SOX5: variants seen among roughly 807,000 people sequenced by gnomAD.
The protein encoded by SOX5 is transcription factor SOX-5.
SOX5 carries 9 observed loss-of-function variants against 92.0 expected under a neutral mutation model. That is an observed-to-expected ratio of 0.10 (90% CI 0.06 to 0.17). The LOEUF is 0.17. Ranked by LOEUF, SOX5 falls within the 10% of genes least tolerant of loss-of-function variation. The pLI is 1.00. For synonymous variants in SOX5, 344 were observed against 336.3 expected, an observed-to-expected ratio of 1.02 and a Z score of -0.25; for missense variants, 642 against 944.5, an observed-to-expected ratio of 0.68 and a Z score of 4.20.
intron 8 of SOX5, among the ~76,000 whole-genome samples, chr12:23,627,652 G>C (rs936030797): frequency 1.3e-5 from 2 of 151,998 alleles, no homozygotes; most frequent in Non-Finnish European, 2.9e-5. Context: ...TCATTTCACA[G>C]GTGAAGACAC....
At chr12:24,092,008 G>C (rs1172049290) in intron 4 of SOX5, among the ~76,000 whole-genome samples, 1 of 152,098 alleles carries the variant, frequency 6.6e-6, no homozygotes, top group South Asian at 2.1e-4. Context: ...TTTACTGCTT[G>C]ACAAGGCACT....
rs12304055 is a variant in SOX5 at position 24,093,669 on chromosome 12, T to G, written c.-2+119674A>C. The stretch of plus-strand genomic sequence containing the variant: ...TTTCCCCCACAATTTATTTCTTGTC[T>G]GTTGAAAATATTTTGGTTGTCCTTT... On this transcript the variant is annotated intron_variant, in intron 4 of 4. Transcript: ENST00000446891. 2.8e-3 allele frequency among the ~76,000 whole-genome samples: 418 copies of G among 151,192 alleles called. 2 individuals are homozygous for G. In the Middle Eastern group the frequency reaches 0.041, roughly 15 times the overall value.
chr12:24,316,763 A>C (rs909404440), intron 2 of SOX5, among the ~76,000 whole-genome samples: 1 of 152,244 alleles, frequency 6.6e-6, no homozygotes, highest in African/African-American at 2.4e-5. Context: ...TCCTTTAAAA[A>C]GCATTCCTTA....
intron 1 of SOX5, among the ~76,000 whole-genome samples, chr12:24,491,270 A>G (rs1431069260): frequency 2.0e-5 from 3 of 152,142 alleles, no homozygotes; most frequent in Non-Finnish European, 4.4e-5. Flanking sequence ...GAGCCCTTAC[A>G]TGGAAATTTT....
At chr12:23,947,589 T>G (rs1944803456) in intron 1 of SOX5, among the ~76,000 whole-genome samples, 1 of 151,914 alleles carries the variant, frequency 6.6e-6, no homozygotes, top group South Asian at 2.1e-4. Flanking sequence ...GTGTGACATT[T>G]TTCAGAATTA....
At chr12:24,473,616 A>G (rs1945042246) in intron 1 of SOX5, among the ~76,000 whole-genome samples, 1 of 152,234 alleles carries the variant, frequency 6.6e-6, no homozygotes, top group Admixed American at 6.5e-5. Context: ...CTCCAGATCA[A>G]ACAACCAAAA....
At chr12:24,298,646 T>C (rs1947572705) in intron 2 of SOX5, among the ~76,000 whole-genome samples, 3 of 152,086 alleles carry the variant, frequency 2.0e-5, no homozygotes, top group African/African-American at 7.2e-5. Context: ...CTATTATTTC[T>C]AGTATTTTAC....
intron 4 of SOX5, among the ~76,000 whole-genome samples, chr12:24,137,274 T>G (rs1950188456): frequency 6.6e-6 from 1 of 152,156 alleles, no homozygotes; most frequent in South Asian, 2.1e-4. Context: ...GATTCTGGTG[T>G]GCCTTGTACT....
chr12:24,142,189 G>C (rs1046158164), intron 4 of SOX5, among the ~76,000 whole-genome samples: 2 of 152,146 alleles, frequency 1.3e-5, no homozygotes, highest in Non-Finnish European at 2.9e-5. Context: ...GTGCTCACTA[G>C]TATGGGGTAG....
intron 1 of SOX5, among the ~76,000 whole-genome samples, chr12:24,464,684 C>G (rs894823942): frequency 1.3e-5 from 2 of 152,158 alleles, no homozygotes; most frequent in African/African-American, 4.8e-5. Flanking sequence ...TGCACGCACT[C>G]TTCTAATCAC....
intron 1 of SOX5, among the ~76,000 whole-genome samples, chr12:24,370,840 G>A (rs2948114): frequency 0.98 from 148,822 of 152,320 alleles, 72,799 homozygotes; most frequent in East Asian, 1. Context: ...TATTAGTTAA[G>A]TCACATATTC....
In SOX5 at chr12:23,856,312, T is replaced by C. The variant is rs373766749; in HGVS notation, c.271-10119A>G. Among the ~76,000 whole-genome samples the C allele has an allele frequency of 3.9e-5, 6 of 152,234 alleles. No homozygotes were observed. The East Asian group carries it at 1.2e-3, about 29-fold the overall frequency. ...GTCAGTCTTAGAGTTTTAAAGGACATAAAAAGCACCTTTACATTATTAGGC... is the reference window on the plus strand; with the variant it reads ...GTCAGTCTTAGAGTTTTAAAGGACACAAAAAGCACCTTTACATTATTAGGC... On this transcript the variant is annotated intron_variant, in intron 2 of 14. Transcript: ENST00000451604.
At chr12:24,035,226 G>A (rs1045952753) in intron 4 of SOX5, among the ~76,000 whole-genome samples, 1 of 152,028 alleles carries the variant, frequency 6.6e-6, no homozygotes, top group Non-Finnish European at 1.5e-5. Flanking sequence ...CGATTTTAAT[G>A]GCATCTACTT....
At chr12:23,545,363 C>T (rs1168848687) in intron 12 of SOX5, among the ~76,000 whole-genome samples, 2 of 152,152 alleles carry the variant, frequency 1.3e-5, no homozygotes, top group African/African-American at 2.4e-5. Flanking sequence ...GAGATGTTCC[C>T]GGTCAGGGTA....
At chr12:23,768,887 G>C (rs1248284060) in intron 3 of SOX5, among the ~76,000 whole-genome samples, 1 of 151,932 alleles carries the variant, frequency 6.6e-6, no homozygotes, top group East Asian at 1.9e-4. Flanking sequence ...TCTAAAGAAA[G>C]AAACAAAAAC....
At position 23,530,099 on chromosome 12, in the gene SOX5, A is replaced by G. The variant is rs150868156; in HGVS notation, c.*4120T>C. On this transcript the variant is annotated 3_prime_UTR_variant, in exon 15 of 15. Transcript: ENST00000451604. ...TAAAAGCCTGGCTAAACCAACAGCT[A>G]TGCCCTACAAGACAAAGGGATACCT... The G allele has an allele frequency of 6.6e-6, 1 of 152,364 alleles. No individual in the cohort carries two copies. Among genetic ancestry groups the G allele is most frequent in the East Asian group, 1.9e-4 (1 of 5,194 alleles). The allele number at this position is 152,364 out of a possible 1,614,324, so 9.4% of individuals were successfully genotyped here.
intron 9 of SOX5, among the ~76,000 whole-genome samples, chr12:23,603,214 A>G (rs1251619362): frequency 6.6e-6 from 1 of 151,900 alleles, no homozygotes; most frequent in African/African-American, 2.4e-5. Context: ...TCTCTGGAGT[A>G]TACAATAACT....
At chr12:24,285,488 C>CT (rs1158272745) in intron 2 of SOX5, among the ~76,000 whole-genome samples, 2 of 151,930 alleles carry the variant, frequency 1.3e-5, no homozygotes, top group Non-Finnish European at 2.9e-5. Flanking sequence ...TACAAACTTG[C>CT]TTTGTCTTAA....
intron 7 of SOX5, among the ~76,000 whole-genome samples, chr12:23,643,795 C>T (rs570668161): frequency 7.3e-4 from 111 of 152,154 alleles, no homozygotes; most frequent in African/African-American, 2.5e-3. Context: ...TTGAGAAGGC[C>T]TAATCAGAAA....
Sources: allele counts gnomAD v4.1 joint callset (sites outside exome capture counted in the v4.1 genomes callset), GRCh38; gene constraint gnomAD v4.1.1; transcripts MANE v1.5; gene names NCBI Gene and HGNC (gene_info 2026-07-23, HGNC 2026-07-21).